CCDC91: variants seen among roughly 807,000 people sequenced by gnomAD.
CCDC91 encodes the protein coiled-coil domain containing 91, also known as coiled-coil domain-containing protein 91.
Under a neutral mutation model 63.2 loss-of-function variants are expected in CCDC91, and 48 were observed. The observed-to-expected ratio is 0.76, with a 90% CI of 0.60 to 0.97. The LOEUF is 0.97. Ranked by LOEUF, CCDC91 falls within the 50% of genes least tolerant of loss-of-function variation. The probability of loss-of-function intolerance (pLI) is 0.00; values close to 1 mark genes in which losing one functional copy is unlikely to be tolerated. For synonymous variants in CCDC91, 167 were observed against 165.8 expected (o/e 1.01, Z -0.06); for missense variants, 500 against 494.6 (o/e 1.01, Z -0.10).
At chr12:28,419,458 A>C (rs1235596944) in intron 8 of CCDC91, among the ~76,000 whole-genome samples, 2 of 152,218 alleles carry the variant, frequency 1.3e-5, no homozygotes, top group Non-Finnish European at 2.9e-5. Context: ...AAAAAATGAC[A>C]CAAGAAAAAT....
chr12:28,263,121 A>G lies in CCDC91; in HGVS notation c.109+3679A>G, dbSNP rs539384466. 1.6e-4 allele frequency among the ~76,000 whole-genome samples: 25 copies of G among 152,172 alleles called. No homozygotes were observed. The South Asian group carries it at 4.3e-3, about 26-fold the overall frequency. On this transcript the variant is annotated intron_variant, in intron 3 of 12. Coordinates refer to ENST00000536442, the MANE Select transcript of CCDC91 (RefSeq NM_018318.5). ...TCTTATTTTTCTTTCAAGAAAAAGT[A>G]TGGAGCTATCACTGAATTTGTTCTG...
In CCDC91 at chr12:28,452,541, GA is replaced by G; in HGVS notation, c.993del (p.Ala332ArgfsTer34). 1 of 1,589,514 alleles carries G rather than the reference GA, an allele frequency of 6.3e-7. No individual in the cohort carries two copies. The highest frequency in any genetic ancestry group is 8.6e-7 in the Non-Finnish European group (1 of 1,168,576). ...KVVEEERKNL[E>X]KAHAEERELW... The stretch of plus-strand genomic sequence containing the variant: ...CGTAGAAGAAGAAAGAAAAAATTTA[GA>G]AAAAGCGCATGCTGAAGAAAGGGAA... On this transcript the variant is annotated frameshift_variant, in exon 11 of 13. Transcript: ENST00000536442. LOFTEE classifies it high-confidence loss of function.
intron 12 of CCDC91, among the ~76,000 whole-genome samples, chr12:28,501,491 T>G (rs1428314396): frequency 2.6e-5 from 4 of 152,072 alleles, no homozygotes; most frequent in Admixed American, 1.3e-4. Context: ...TTGGTTCTGT[T>G]TAAATGCTGG....
intron 8 of CCDC91, among the ~76,000 whole-genome samples, chr12:28,443,678 C>T (rs533838307): frequency 1.6e-4 from 24 of 152,168 alleles, no homozygotes; most frequent in African/African-American, 5.5e-4. Flanking sequence ...AGCACTGAGA[C>T]TTAGACATGT....
intron 1 of CCDC91, among the ~76,000 whole-genome samples, chr12:28,248,697 A>G (rs1233653843): frequency 6.6e-6 from 1 of 152,262 alleles, no homozygotes; most frequent in African/African-American, 2.4e-5. Context: ...AGATATAACA[A>G]TAGTGTCTGA....
chr12:28,372,416 G>A (rs1216298926), intron 7 of CCDC91, among the ~76,000 whole-genome samples: 1 of 152,166 alleles, frequency 6.6e-6, no homozygotes, highest in African/African-American at 2.4e-5. Flanking sequence ...ATTGCTTTGG[G>A]CAGTGTGGTC....
At chr12:28,501,848 G>A (rs1339894238) in intron 12 of CCDC91, among the ~76,000 whole-genome samples, 3 of 150,954 alleles carry the variant, frequency 2.0e-5, no homozygotes, top group African/African-American at 7.3e-5. Context: ...GACTCTTTTT[G>A]GTTGGTAAGC....
In CCDC91 at chr12:28,237,235, TACACAC is replaced by T. The variant is rs58134900; in HGVS notation, c.-14-19941_-14-19936del. On this transcript the variant is annotated intron_variant, in intron 1 of 12. Transcript: ENST00000536442. ...TACATACATACATGTGTATTACACA[TACACAC>T]ACACACACACACACACACACACACA... 2.8e-5 allele frequency among the ~76,000 whole-genome samples: 4 copies of T among 143,022 alleles called. No homozygotes were observed. In the South Asian group the frequency reaches 6.9e-4, roughly 25 times the overall value. The allele number at this position is 143,022 out of a possible 152,430, so 93.8% of individuals were successfully genotyped here. A position where few individuals can be genotyped will look rare whatever the true frequency, so the allele number is the denominator to read the frequency against.
intron 1 of CCDC91, among the ~76,000 whole-genome samples, chr12:28,216,799 T>A (rs1249623621): frequency 6.6e-6 from 1 of 152,034 alleles, no homozygotes; most frequent in Admixed American, 6.6e-5. Flanking sequence ...GTAAATAGAA[T>A]GTTACTTTCA....
intron 12 of CCDC91, among the ~76,000 whole-genome samples, chr12:28,501,731 T>G (rs528834835): frequency 2.6e-5 from 4 of 152,082 alleles, no homozygotes; most frequent in South Asian, 4.1e-4. Flanking sequence ...TAAAATGAGT[T>G]AGGGAGGATT....
chr12:28,479,570 A>T (rs2140862633), intron 11 of CCDC91, among the ~76,000 whole-genome samples: 1 of 152,280 alleles, frequency 6.6e-6, no homozygotes, highest in South Asian at 2.1e-4. Flanking sequence ...ATATGTAACA[A>T]ACCTGCACGT....
At chr12:28,293,454 A>G (rs965321327) in intron 3 of CCDC91, among the ~76,000 whole-genome samples, 5 of 152,306 alleles carry the variant, frequency 3.3e-5, no homozygotes, top group African/African-American at 1.2e-4. Flanking sequence ...CTTGTTTTCT[A>G]CTGGCAGTAG....
At chr12:28,360,831 A>G (rs1363584462) in intron 6 of CCDC91, among the ~76,000 whole-genome samples, 1 of 152,022 alleles carries the variant, frequency 6.6e-6, no homozygotes, top group African/African-American at 2.4e-5. Flanking sequence ...TTTCTTAAAT[A>G]TTTCTTAAAA....
intron 3 of CCDC91, among the ~76,000 whole-genome samples, chr12:28,289,554 G>T (rs11049507): frequency 3.9e-4 from 59 of 151,934 alleles, no homozygotes; most frequent in Admixed American, 9.2e-4. Context: ...TGTTTGTTAC[G>T]ATTTCAGTTC....
chr12:28,269,973 C>T (rs763077335), intron 3 of CCDC91, among the ~76,000 whole-genome samples: 7 of 151,778 alleles, frequency 4.6e-5, no homozygotes, highest in Non-Finnish European at 1.0e-4. Context: ...AGCTAGTATG[C>T]ATTAATTTTT....
intron 12 of CCDC91, among the ~76,000 whole-genome samples, chr12:28,538,084 G>T (rs11833811): frequency 0.091 from 13,585 of 148,990 alleles, 1,877 homozygotes; most frequent in African/African-American, 0.3. Context: ...CTTTTTAGGG[G>T]TTTTTTTTAA....
At chr12:28,289,184 G>A (rs1411300582) in intron 3 of CCDC91, among the ~76,000 whole-genome samples, 1 of 151,400 alleles carries the variant, frequency 6.6e-6, no homozygotes, top group Non-Finnish European at 1.5e-5. Flanking sequence ...GTCTCCTTGA[G>A]TTCAGCTCTG....
At chr12:28,355,414 G>C (rs767079685) in intron 6 of CCDC91, among the ~76,000 whole-genome samples, 3 of 152,174 alleles carry the variant, frequency 2.0e-5, no homozygotes, top group Non-Finnish European at 4.4e-5. Context: ...ACAGAATGTG[G>C]TTGGTAGAGG....
At chr12:28,258,312 A>G (rs1479279609) in intron 2 of CCDC91, among the ~76,000 whole-genome samples, 14 of 52,468 alleles carry the variant, frequency 2.7e-4, no homozygotes, top group Admixed American at 8.2e-4. Context: ...TGTTTCAGAT[A>G]TCATCTGGCT....
Sources: gnomAD v4.1 joint callset for allele counts (sites outside exome capture counted in the v4.1 genomes callset) on GRCh38, gnomAD v4.1.1 for gene constraint, MANE v1.5 for transcripts, NCBI Gene and HGNC (gene_info 2026-07-23, HGNC 2026-07-21) for gene names.